The following MGAM variants were observed in gnomAD, a reference collection of about 807,000 sequenced individuals.
MGAM encodes alpha-1,4-glucosidase.
In MGAM, 253 loss-of-function variants were observed where a neutral mutation model predicts 358.8. The observed-to-expected ratio is 0.71, with a 90% CI of 0.64 to 0.78. The LOEUF (loss-of-function observed/expected upper bound fraction) is 0.78. Among genes scored for constraint, MGAM ranks in the 30% least tolerant of loss-of-function variants. The pLI, the probability that MGAM is intolerant of heterozygous loss-of-function variation, is 0.00. For synonymous variants in MGAM, 1,105 were observed against 1,227.1 expected, an observed-to-expected ratio of 0.90 and a Z score of 2.08; for missense variants, 3,080 against 3,432.6, an observed-to-expected ratio of 0.90 and a Z score of 2.57.
Position 142,095,642 on chromosome 7 carries a change from G to A in MGAM, c.7536G>A (p.Leu2512=), listed in dbSNP as rs763815082. ...RTVLQTRYTL[L]PYLYTLMHKA... ...TCCTGCAGACCAGATACACCCTGTT[G>A]CCATATCTGTATACCTTGATGCATA... Residue 2512 remains leucine, a synonymous_variant, in exon 64 of 71, where the codon TTG becomes TTA. Coordinates refer to ENST00000475668, the MANE Select transcript of MGAM (RefSeq NM_001365693.1). 5 of 1,613,770 alleles carry A rather than the reference G, an allele frequency of 3.1e-6. No homozygotes were observed. The highest frequency in any genetic ancestry group is 3.4e-6 in the Non-Finnish European group (4 of 1,179,830).
chr7:142,096,685 G>A (rs1193626810), intron 65 of MGAM, among the ~76,000 whole-genome samples: 5 of 152,120 alleles, frequency 3.3e-5, no homozygotes, highest in African/African-American at 7.2e-5. Context: ...TCGTTTCTTC[G>A]TTAACTAAAA....
At chr7:142,064,577 C>G in intron 37 of MGAM, 55 bp downstream of exon 37, 2 of 1,542,546 alleles carry the variant, frequency 1.3e-6, no homozygotes, top group South Asian at 2.4e-5. Flanking sequence ...TTGCCAGTGA[C>G]TGACATAGCT....
chr7:142,063,383 T>G, intron 35 of MGAM, 116 bp from the exon 36 acceptor site: 1 of 1,219,236 alleles, frequency 8.2e-7, no homozygotes, highest in Admixed American at 2.0e-5. Flanking sequence ...CTCCCAGGGC[T>G]GGCATCTACA....
chr7:142,020,092 G>A (rs886765113), intron 4 of MGAM, among the ~76,000 whole-genome samples: 3 of 150,362 alleles, frequency 2.0e-5, no homozygotes, highest in Non-Finnish European at 3.0e-5. Context: ...AAAATGCAGA[G>A]TATAATGATG....
intron 66 of MGAM, among the ~76,000 whole-genome samples, chr7:142,098,297 C>A (rs10215074): frequency 0.89 from 135,513 of 151,936 alleles, 62,206 homozygotes; most frequent in Non-Finnish European, 1. Context: ...AGGGTCTTCC[C>A]GGGCAGCTCT....
chr7:142,061,277 C>G (rs180810437), intron 34 of MGAM, among the ~76,000 whole-genome samples: 84 of 152,280 alleles, frequency 5.5e-4, no homozygotes, highest in Non-Finnish European at 1.1e-3. Flanking sequence ...GGCTGATAAT[C>G]TCTTTATTCT....
In MGAM at chr7:142,045,518, T is replaced by C. The variant is rs1257042973; in HGVS notation, c.2499-2267T>C. 5.3e-4 allele frequency among the ~76,000 whole-genome samples: 57 copies of C among 106,858 alleles called. 6 individuals carry two copies. The highest frequency in any genetic ancestry group is 1.8e-3 in the South Asian group (7 of 3,862). The allele number at this position is 106,858 out of a possible 152,430, so 70.1% of individuals were successfully genotyped here. A position where few individuals can be genotyped will look rare whatever the true frequency, so the allele number is the denominator to read the frequency against. Reference sequence around the variant, plus strand: ...TGATATTATATATTACATATACATATAATATATGATATAATATATATTATA... The same window carrying C: ...TGATATTATATATTACATATACATACAATATATGATATAATATATATTATA... On this transcript the variant is annotated intron_variant, in intron 21 of 70. Transcript: ENST00000475668.
chr7:142,023,264 A>G lies in MGAM; in HGVS notation c.882+825A>G, dbSNP rs140222546. Among the ~76,000 whole-genome samples the G allele has an allele frequency of 9.5e-3, 1,445 of 152,014 alleles. 27 individuals are homozygous for G. Among genetic ancestry groups the G allele is most frequent in the African/African-American group, 0.033 (1,362 of 41,454 alleles). On this transcript the variant is annotated intron_variant, in intron 7 of 70. Coordinates refer to ENST00000475668, the MANE Select transcript of MGAM (RefSeq NM_001365693.1). ...TTTTTTGTAGAGACTGTGTTTCGCC[A>G]TGTTGTTCAGGCTGATCTCAAACTC...
intron 68 of MGAM, 109 bp from the exon 69 acceptor site, chr7:142,102,521 A>G (rs1287766419): frequency 2.0e-6 from 2 of 1,013,506 alleles, no homozygotes; most frequent in African/African-American, 1.6e-5. Context: ...GATAAGCCTT[A>G]CTCTCTCAAA....
chr7:142,042,985 T>G (rs1402649400), intron 21 of MGAM, among the ~76,000 whole-genome samples: 8 of 41,350 alleles, frequency 1.9e-4, no homozygotes, highest in African/African-American at 5.4e-4. Context: ...ATATATATAT[T>G]ATATATACAT....
chr7:142,041,994 A>AT (rs1808773280), intron 21 of MGAM, among the ~76,000 whole-genome samples: 4 of 14,282 alleles, frequency 2.8e-4, no homozygotes, highest in Non-Finnish European at 5.2e-4. Context: ...TATAATATAT[A>AT]TATATTATAT....
chr7:142,028,911 T>A (rs1554462086), intron 10 of MGAM, among the ~76,000 whole-genome samples: 1 of 151,988 alleles, frequency 6.6e-6, no homozygotes, highest in Non-Finnish European at 1.5e-5. Context: ...GGGGGAGGGA[T>A]AACAGAAAAA....
intron 51 of MGAM, 91 bp from the exon 52 acceptor site, chr7:142,082,384 A>G: frequency 7.8e-7 from 1 of 1,286,620 alleles, no homozygotes. Flanking sequence ...GGAGAAAACT[A>G]GACCCATCTT....
At position 142,069,865 on chromosome 7, in the gene MGAM, A is replaced by C. The variant is rs1050247746; in HGVS notation, c.5062-1129A>C. ...AAGATATCTTTGATGGAAGAGGGAA[A>C]GACAAAAGAAGTCATGGAGCAAGCT... On this transcript the variant is annotated intron_variant, in intron 43 of 70. Transcript: ENST00000475668. Among the ~76,000 whole-genome samples the C allele has an allele frequency of 1.4e-5, 2 of 145,564 alleles. 1 individual carries two copies. The highest frequency in any genetic ancestry group is 3.1e-5 in the Non-Finnish European group (2 of 64,296).
chr7:142,060,736 A>G (rs73740243), intron 34 of MGAM, among the ~76,000 whole-genome samples: 2,567 of 152,242 alleles, frequency 0.017, 13 homozygotes, highest in African/African-American at 0.058. Context: ...CTGAACTGGC[A>G]TACTTACTGT....
chr7:142,034,286 G>C lies in MGAM; in HGVS notation c.1694G>C (p.Cys565Ser), dbSNP rs782772053. The C allele has an allele frequency of 6.3e-7, 1 of 1,596,564 alleles. No homozygotes were observed. The highest frequency in any genetic ancestry group is 8.5e-7 in the Non-Finnish European group (1 of 1,171,298). The stretch of plus-strand genomic sequence containing the variant: ...GGAATCCTGGATGGGTACCTGTTCT[G>C]CAAGACTCTCTGTATGGATGCAGTG... ...TPRILDGYLF[C>S]KTLCMDAVQH... Residue 565 changes from cysteine (C) to serine (S), a missense_variant, in exon 15 of 71, where the codon TGC (cysteine) becomes TCC (serine). By Grantham distance (112) the Cys-to-Ser change is moderately radical. Around this residue, in one of 5 missense-constraint regions of MGAM, gnomAD observed 1,816 missense variants for 1,840.5 expected, o/e 0.99. Transcript: ENST00000475668.
chr7:142,076,046 A>G lies in MGAM; in HGVS notation c.5276-157A>G, dbSNP rs772652911. Among the ~76,000 whole-genome samples, 68 of 146,422 alleles carry G rather than the reference A, an allele frequency of 4.6e-4. 11 individuals carry two copies. The highest frequency in any genetic ancestry group is 7.3e-4 in the Non-Finnish European group (47 of 64,614). On this transcript the variant is annotated intron_variant, in intron 45 of 70. Coordinates refer to ENST00000475668, the MANE Select transcript of MGAM (RefSeq NM_001365693.1). ...AGATATGGAAACATTCTAAGTATACATTGATGAATGAATACAATGGAATAT... is the reference window on the plus strand; with the variant it reads ...AGATATGGAAACATTCTAAGTATACGTTGATGAATGAATACAATGGAATAT...
At chr7:142,021,128 TA>T in intron 5 of MGAM, 45 bp downstream of exon 5, 1 of 1,412,248 alleles carries the variant, frequency 7.1e-7, no homozygotes, top group Non-Finnish European at 9.8e-7. Flanking sequence ...GAGAGACTTT[TA>T]TTCCCTATCG....
At chr7:142,039,704 G>C (rs990838190) in intron 19 of MGAM, among the ~76,000 whole-genome samples, 1 of 152,028 alleles carries the variant, frequency 6.6e-6, no homozygotes, top group African/African-American at 2.4e-5. Context: ...CAGGCTGATC[G>C]GGATGTGATT....
Sources: gnomAD v4.1 joint callset for allele counts (sites outside exome capture counted in the v4.1 genomes callset) on GRCh38, gnomAD v4.1.1 for gene constraint, gnomAD v4.1.1 regional missense constraint, MANE v1.5 for transcripts, NCBI Gene and HGNC (gene_info 2026-07-23, HGNC 2026-07-21) for gene names.